The following CCN4 variants were observed in gnomAD, a reference collection of about 807,000 sequenced individuals.
The protein encoded by CCN4 is CCN family member 4.
CCN4 carries 30 observed loss-of-function variants against 36.7 expected under a neutral mutation model. The observed-to-expected ratio is 0.82, with a 90% CI of 0.61 to 1.11. CCN4 has a LOEUF of 1.11. Among genes scored for constraint, CCN4 ranks in the 50% least tolerant of loss-of-function variants. The pLI is 0.00. For synonymous variants in CCN4, 191 were observed against 195.4 expected (o/e 0.98, Z 0.19); for missense variants, 505 against 504.9 (o/e 1.00, Z 0.00).
rs59929763 is a variant in CCN4, at chr8:133,224,229, C to CTTTTTTTTTTTTTTTTTTTTTTTTTT, written c.611-1157_611-1132dup. Among the ~76,000 whole-genome samples, 20 of 88,494 alleles carry CTTTTTTTTTTTTTTTTTTTTTTTTTT rather than the reference C, an allele frequency of 2.3e-4. 10 individuals are homozygous for CTTTTTTTTTTTTTTTTTTTTTTTTTT. The highest frequency in any genetic ancestry group is 3.6e-4 in the African/African-American group (8 of 22,448). The allele number at this position is 88,494 out of a possible 152,430, so 58.1% of individuals were successfully genotyped here. ...GATTTGAATTTGAAGCCCGTAAGTC[C>CTTTTTTTTTTTTTTTTTTTTTTTTTT]TTTTTTTTTTTTTTTTTTTTTTTTT... On this transcript the variant is annotated intron_variant, in intron 3 of 4. Transcript: ENST00000250160.
intron 2 of CCN4, among the ~76,000 whole-genome samples, chr8:133,215,635 C>A (rs1046253271): frequency 2.0e-5 from 3 of 152,142 alleles, no homozygotes; most frequent in Non-Finnish European, 4.4e-5. Context: ...CTCCTCACCC[C>A]CTATCTCTGC....
intron 1 of CCN4, among the ~76,000 whole-genome samples, chr8:133,194,305 TG>T (rs1216333899): frequency 1.8e-4 from 20 of 110,846 alleles, no homozygotes; most frequent in East Asian, 1.2e-3. Flanking sequence ...TGTGTGTGTG[TG>T]GTGTGTGTGT....
At position 133,230,359 on chromosome 8, in the gene CCN4, GT is replaced by G. The variant is rs1251740933; in HGVS notation, c.*2650del. Reference sequence around the variant, plus strand: ...ATGGAAAAAAATCTCCACTGATTGAGTGTTTACTTGGTGCCAAGCACTATGC... The same window carrying G: ...ATGGAAAAAAATCTCCACTGATTGAGGTTTACTTGGTGCCAAGCACTATGC... On this transcript the variant is annotated 3_prime_UTR_variant, in exon 5 of 5. Transcript: ENST00000250160. 7 of 152,280 alleles carry G rather than the reference GT, an allele frequency of 4.6e-5. No homozygotes were observed. The East Asian group carries it at 1.3e-3, about 29-fold the overall frequency. The allele number at this position is 152,280 out of a possible 1,614,324, so 9.4% of individuals were successfully genotyped here. A position where few individuals can be genotyped will look rare whatever the true frequency, so the allele number is the denominator to read the frequency against.
intron 1 of CCN4, among the ~76,000 whole-genome samples, chr8:133,200,143 G>A (rs72731516): frequency 0.22 from 34,013 of 152,106 alleles, 4,476 homozygotes; most frequent in Non-Finnish European, 0.29. Flanking sequence ...CGCTCTGGGC[G>A]GTGGAGGGAG....
intron 2 of CCN4, among the ~76,000 whole-genome samples, chr8:133,213,479 C>A (rs1854143025): frequency 6.6e-6 from 1 of 151,972 alleles, no homozygotes; most frequent in Non-Finnish European, 1.5e-5. Flanking sequence ...ATGTCCATGG[C>A]CTACTAGGAC....
intron 1 of CCN4, among the ~76,000 whole-genome samples, chr8:133,203,379 G>A (rs1409990097): frequency 2.6e-5 from 4 of 152,164 alleles, no homozygotes; most frequent in Admixed American, 1.3e-4. Context: ...GGCGGGTGGA[G>A]GGAAGAACAA....
At position 133,228,819 on chromosome 8, in the gene CCN4, G is replaced by A. The variant is rs947396557; in HGVS notation, c.*1109G>A. ...CCCCCGTGTTCAGGACACATCTATT[G>A]CAGAGACTCATTTCACAGCCTTTCG... On this transcript the variant is annotated 3_prime_UTR_variant, in exon 5 of 5. Transcript: ENST00000250160. 1 of 152,126 alleles carries A rather than the reference G, an allele frequency of 6.6e-6. No homozygotes were observed. Among genetic ancestry groups the A allele is most frequent in the African/African-American group, 2.4e-5 (1 of 41,426 alleles). The allele number at this position is 152,126 out of a possible 1,614,324, so 9.4% of individuals were successfully genotyped here.
chr8:133,208,079 A>G (rs375962146), intron 1 of CCN4, among the ~76,000 whole-genome samples: 18 of 151,164 alleles, frequency 1.2e-4, no homozygotes, highest in African/African-American at 4.4e-4. Flanking sequence ...ATTCAAATCC[A>G]AGTTCTGTCA....
intron 1 of CCN4, among the ~76,000 whole-genome samples, chr8:133,200,239 C>T (rs1853538899): frequency 6.6e-6 from 1 of 152,232 alleles, no homozygotes; most frequent in Non-Finnish European, 1.5e-5. Context: ...CCCTTCATCC[C>T]AGCCTGCTCT....
chr8:133,226,726 T>C (rs920704235), intron 4 of CCN4, among the ~76,000 whole-genome samples: 2 of 152,154 alleles, frequency 1.3e-5, no homozygotes, highest in Non-Finnish European at 2.9e-5. Context: ...CTCAGAGGGT[T>C]TCCCAAATTG....
At chr8:133,221,192 G>C (rs1356094023) in intron 3 of CCN4, among the ~76,000 whole-genome samples, 1 of 152,232 alleles carries the variant, frequency 6.6e-6, no homozygotes, top group Non-Finnish European at 1.5e-5. Flanking sequence ...ATGAGCAAGA[G>C]GAGATGGGTC....
intron 1 of CCN4, among the ~76,000 whole-genome samples, chr8:133,207,994 G>GTTTTGTT (rs1554741795): frequency 7.1e-6 from 1 of 141,666 alleles, no homozygotes; most frequent in Non-Finnish European, 1.5e-5. Context: ...CCTTTCAGCT[G>GTTTTGTT]TTTTTTTTTT....
chr8:133,196,254 A>T (rs1853378931), intron 1 of CCN4, among the ~76,000 whole-genome samples: 1 of 152,216 alleles, frequency 6.6e-6, no homozygotes, highest in Admixed American at 6.5e-5. Context: ...CACGTGTGGC[A>T]GGAGGCCACT....
rs1564272136 is a variant in CCN4 at position 133,230,576 on chromosome 8, A to AG, written c.*2870dup. The AG allele has an allele frequency of 6.6e-6, 1 of 152,216 alleles. No homozygotes were observed. The highest frequency in any genetic ancestry group is 1.5e-5 in the Non-Finnish European group (1 of 68,038). The allele number at this position is 152,216 out of a possible 1,614,324, so 9.4% of individuals were successfully genotyped here. ...CACCTATTGGAGAATTACATCTACA[A>AG]GGGGCTTCAAACAGACCAAATAGAT... On this transcript the variant is annotated 3_prime_UTR_variant, in exon 5 of 5. Transcript: ENST00000250160.
rs778290680 is a variant in CCN4 at position 133,220,562 on chromosome 8, C to T, written c.350-19C>T. ...GGGCACCAAGGCCACTGGGCCTGAC[C>T]GGCCACCTGTGTTTGCAGAGGTGGT... On this transcript the variant is annotated intron_variant, in intron 2 of 4. Coordinates refer to ENST00000250160, the MANE Select transcript of CCN4 (RefSeq NM_003882.4). 28 of 1,604,404 alleles carry T rather than the reference C, an allele frequency of 1.7e-5. No homozygotes were observed. The highest frequency in any genetic ancestry group is 1.6e-4 in the East Asian group (7 of 44,548).
At chr8:133,197,067 A>G (rs1853413809) in intron 1 of CCN4, among the ~76,000 whole-genome samples, 2 of 152,056 alleles carry the variant, frequency 1.3e-5, no homozygotes, top group South Asian at 4.1e-4. Flanking sequence ...TGTGTAGGAG[A>G]AAGAAATGAT....
intron 1 of CCN4, among the ~76,000 whole-genome samples, chr8:133,200,035 C>T (rs992362198): frequency 1.3e-5 from 2 of 152,184 alleles, no homozygotes; most frequent in African/African-American, 2.4e-5. Flanking sequence ...AGACCAGCTC[C>T]TAGGGGTATC....
chr8:133,191,143 G>A lies in CCN4; in HGVS notation c.-2G>A. The A allele has an allele frequency of 1.2e-6, 2 of 1,606,420 alleles. No homozygotes were observed. The highest frequency in any genetic ancestry group is 1.7e-6 in the Non-Finnish European group (2 of 1,179,854). ...CGATGCCTGTGCCACTGACGTCCAG[G>A]CATGAGGTGGTTCCTGCCCTGGACG... On this transcript the variant is annotated 5_prime_UTR_variant, in exon 1 of 5. Transcript: ENST00000250160.
chr8:133,195,427 C>T (rs983428843), intron 1 of CCN4, among the ~76,000 whole-genome samples: 17 of 151,984 alleles, frequency 1.1e-4, no homozygotes, highest in Non-Finnish European at 2.4e-4. Flanking sequence ...AAAATATCCC[C>T]TTTAGAAAAC....
Sources: allele counts gnomAD v4.1 joint callset (sites outside exome capture counted in the v4.1 genomes callset), GRCh38; gene constraint gnomAD v4.1.1; transcripts MANE v1.5; gene names NCBI Gene and HGNC (gene_info 2026-07-23, HGNC 2026-07-21).